The following DNAH6 variants were observed in gnomAD, a reference collection of about 807,000 sequenced individuals.
The protein encoded by DNAH6 is dynein axonemal heavy chain 6, also known as axonemal beta dynein heavy chain 6.
In DNAH6, 340 loss-of-function variants were observed where a neutral mutation model predicts 491.4. The observed-to-expected ratio is 0.69, with a 90% CI of 0.63 to 0.76. The LOEUF (loss-of-function observed/expected upper bound fraction) is 0.76, where lower values mean the gene tolerates loss of function less well. Ranked by LOEUF, DNAH6 falls within the 30% of genes least tolerant of loss-of-function variation. The pLI, the probability that DNAH6 is intolerant of heterozygous loss-of-function variation, is 0.00. For missense variants in DNAH6, 4,443 were observed against 4,972.2 expected, an observed-to-expected ratio of 0.89 and a Z score of 3.20; for synonymous variants, 1,603 against 1,686.1, an observed-to-expected ratio of 0.95 and a Z score of 1.21.
At chr2:84,570,218 C>T (rs1158293097) in intron 11 of DNAH6, among the ~76,000 whole-genome samples, 1 of 152,148 alleles carries the variant, frequency 6.6e-6, no homozygotes, top group Non-Finnish European at 1.5e-5. Flanking sequence ...AGACAAAAAG[C>T]CACCTCGAAG....
the DNAH6 span, among the ~76,000 whole-genome samples, chr2:84,509,250 T>C: frequency 1.3e-5 from 2 of 152,224 alleles, no homozygotes; most frequent in Non-Finnish European, 2.9e-5. Flanking sequence ...ATCTGGGTGC[T>C]CCTGTATTGG....
At chr2:84,686,113 A>C (rs1425490390) in intron 43 of DNAH6, among the ~76,000 whole-genome samples, 1 of 151,772 alleles carries the variant, frequency 6.6e-6, no homozygotes, top group East Asian at 1.9e-4. Context: ...ATGTGAACCC[A>C]GGAGGCGGAG....
intron 14 of DNAH6, among the ~76,000 whole-genome samples, chr2:84,583,564 C>T (rs970229228): frequency 3.9e-5 from 6 of 152,156 alleles, no homozygotes; most frequent in Admixed American, 2.6e-4. Context: ...TATGGTTTGG[C>T]TGTATCTCCA....
At chr2:84,762,615 TA>T in intron 63 of DNAH6, 139 bp from the exon 64 acceptor site, 1 of 610,190 alleles carries the variant, frequency 1.6e-6, no homozygotes, top group Non-Finnish European at 2.9e-6. Flanking sequence ...ACAATATCTA[TA>T]AAAAGATGTA....
chr2:84,556,026 C>A (rs6708610), intron 10 of DNAH6, among the ~76,000 whole-genome samples: 10,352 of 152,174 alleles, frequency 0.068, 1,150 homozygotes, highest in African/African-American at 0.24. Flanking sequence ...ATAAGCAAAT[C>A]TAATCATGTC....
At chr2:84,541,440 C>T (rs947209975) in intron 4 of DNAH6, among the ~76,000 whole-genome samples, 1 of 152,148 alleles carries the variant, frequency 6.6e-6, no homozygotes, top group Non-Finnish European at 1.5e-5. Context: ...GGAAACAAAA[C>T]CGTTTTTCTG....
At chr2:84,759,400 T>C (rs1674354318) in intron 63 of DNAH6, among the ~76,000 whole-genome samples, 1 of 151,990 alleles carries the variant, frequency 6.6e-6, no homozygotes, top group Non-Finnish European at 1.5e-5. Flanking sequence ...TCCCAGCTAC[T>C]TGGGAGGCTG....
In DNAH6 at chr2:84,547,264, T is replaced by G. The variant is rs1423479069; in HGVS notation, c.931-4T>G. The G allele has an allele frequency of 6.6e-6, 10 of 1,522,078 alleles. No homozygotes were observed. The highest frequency in any genetic ancestry group is 8.8e-6 in the Non-Finnish European group (10 of 1,134,298). The allele number at this position is 1,522,078 out of a possible 1,614,324, so 94.3% of individuals were successfully genotyped here. A position where few individuals can be genotyped will look rare whatever the true frequency, so the allele number is the denominator to read the frequency against. On this transcript the variant is annotated splice_polypyrimidine_tract_variant and splice_region_variant and intron_variant, in intron 5 of 76. Coordinates refer to ENST00000389394, the MANE Select transcript of DNAH6 (RefSeq NM_001370.2). ...CTAAATAATAAATTCCTATTTTCAT[T>G]CAGCATTTGCGACCAGCTCTTCTTA...
At chr2:84,478,525 G>A in the DNAH6 span, among the ~76,000 whole-genome samples, 10 of 152,252 alleles carry the variant, frequency 6.6e-5, no homozygotes, top group Non-Finnish European at 1.3e-4. Flanking sequence ...GGACCTTATA[G>A]GAATGTCAAG....
At chr2:84,605,374 T>G in intron 19 of DNAH6, 126 bp from the exon 20 acceptor site, 1 of 629,450 alleles carries the variant, frequency 1.6e-6, no homozygotes, top group Non-Finnish European at 2.6e-6. Context: ...AAAAAAAGAA[T>G]TTTAGAGAGC....
chr2:84,595,582 A>G, intron 17 of DNAH6, 64 bp from the exon 18 acceptor site: 1 of 1,411,956 alleles, frequency 7.1e-7, no homozygotes, highest in Non-Finnish European at 9.4e-7. Context: ...TTTTTTTAGT[A>G]TTTCAAACCT....
chr2:84,713,374 C>T (rs957514564), intron 57 of DNAH6, 115 bp downstream of exon 57: 24 of 922,234 alleles, frequency 2.6e-5, no homozygotes, highest in Non-Finnish European at 3.7e-5. Context: ...TCTCCCCTGT[C>T]TCCTATACAC....
chr2:84,602,067 C>G (rs149506799), intron 18 of DNAH6, among the ~76,000 whole-genome samples: 15 of 149,252 alleles, frequency 1.0e-4, no homozygotes, highest in Admixed American at 4.1e-4. Context: ...TTTACATATA[C>G]TATAAATATA....
chr2:84,631,521 C>T (rs146887029), intron 29 of DNAH6, among the ~76,000 whole-genome samples: 115 of 152,278 alleles, frequency 7.6e-4, no homozygotes, highest in African/African-American at 2.7e-3. Flanking sequence ...TGAGGCCATA[C>T]TGGAATTCTA....
chr2:84,812,624 T>C, intron 73 of DNAH6, 98 bp downstream of exon 73: 2 of 961,370 alleles, frequency 2.1e-6, no homozygotes, highest in Non-Finnish European at 3.1e-6. Context: ...CAGTCACTGA[T>C]GGATAATCTG....
chr2:84,556,507 C>T (rs1232740548), intron 10 of DNAH6, among the ~76,000 whole-genome samples: 2 of 152,210 alleles, frequency 1.3e-5, no homozygotes, highest in African/African-American at 4.8e-5. Flanking sequence ...TTTTGAGACT[C>T]ATTTAAAGAC....
the DNAH6 span, among the ~76,000 whole-genome samples, chr2:84,496,533 A>G: frequency 6.6e-6 from 1 of 152,158 alleles, no homozygotes; most frequent in Admixed American, 6.5e-5. Context: ...TAAACCAGAG[A>G]TATTCATGTG....
At chr2:84,574,360 T>G (rs987439836) in intron 12 of DNAH6, among the ~76,000 whole-genome samples, 10 of 152,166 alleles carry the variant, frequency 6.6e-5, no homozygotes, top group African/African-American at 2.4e-4. Context: ...TCAATATGCA[T>G]CTCTAAAACA....
intron 62 of DNAH6, among the ~76,000 whole-genome samples, chr2:84,737,714 T>C (rs1298958897): frequency 6.6e-6 from 1 of 152,064 alleles, no homozygotes; most frequent in Non-Finnish European, 1.5e-5. Flanking sequence ...ATGGATCTTC[T>C]GTATTTTTTT....
Sources: gnomAD v4.1 joint callset for allele counts (sites outside exome capture counted in the v4.1 genomes callset) on GRCh38, gnomAD v4.1.1 for gene constraint, MANE v1.5 for transcripts, NCBI Gene and HGNC (gene_info 2026-07-23, HGNC 2026-07-21) for gene names.